PTPRN2: variants seen among roughly 807,000 people sequenced by gnomAD.
PTPRN2 encodes receptor-type tyrosine-protein phosphatase N2.
Under a neutral mutation model 118.8 loss-of-function variants are expected in PTPRN2, and 74 were observed. The ratio of observed to expected loss-of-function variants is 0.62; its 90% confidence interval spans 0.52 to 0.76. PTPRN2 has a LOEUF of 0.76. Ranked by LOEUF, PTPRN2 falls within the 30% of genes least tolerant of loss-of-function variation. The probability of loss-of-function intolerance (pLI) is 0.00; values close to 1 mark genes in which losing one functional copy is unlikely to be tolerated. For synonymous variants in PTPRN2, 641 were observed against 608.0 expected, an observed-to-expected ratio of 1.05 and a Z score of -0.80; for missense variants, 1,481 against 1,394.4, an observed-to-expected ratio of 1.06 and a Z score of -0.99.
At chr7:158,386,755 G>A (rs1201355992) in intron 2 of PTPRN2, among the ~76,000 whole-genome samples, 1 of 152,196 alleles carries the variant, frequency 6.6e-6, no homozygotes, top group East Asian at 1.9e-4. Flanking sequence ...AGAAAGCCCA[G>A]CCCTTCACAG....
At chr7:157,564,020 TG>T (rs1181474357) in intron 21 of PTPRN2, among the ~76,000 whole-genome samples, 17 of 152,354 alleles carry the variant, frequency 1.1e-4, no homozygotes, top group African/African-American at 4.1e-4. Flanking sequence ...TACTTGGGCC[TG>T]CCCTTAAAAG....
At chr7:158,362,104 C>G (rs1273190702) in intron 2 of PTPRN2, among the ~76,000 whole-genome samples, 1 of 152,218 alleles carries the variant, frequency 6.6e-6, no homozygotes, top group African/African-American at 2.4e-5. Context: ...CATTAACAAA[C>G]AGCCCAGCCC....
At chr7:157,919,007 T>C (rs1411904827) in intron 11 of PTPRN2, among the ~76,000 whole-genome samples, 1 of 152,102 alleles carries the variant, frequency 6.6e-6, no homozygotes, top group Non-Finnish European at 1.5e-5. Flanking sequence ...TTCCAGGGGG[T>C]TAAGCAACTT....
At chr7:157,966,069 T>C (rs1457444197) in intron 11 of PTPRN2, among the ~76,000 whole-genome samples, 3 of 151,704 alleles carry the variant, frequency 2.0e-5, no homozygotes, top group Non-Finnish European at 4.4e-5. Flanking sequence ...TTTATCCCTG[T>C]AAAGTCTAAT....
chr7:158,101,034 A>C (rs1815186935), intron 10 of PTPRN2, among the ~76,000 whole-genome samples: 1 of 152,220 alleles, frequency 6.6e-6, no homozygotes, highest in Admixed American at 6.5e-5. Context: ...CCTAAAATTC[A>C]TATGGAACCA....
intron 2 of PTPRN2, among the ~76,000 whole-genome samples, chr7:158,424,478 G>T (rs1815529157): frequency 6.6e-6 from 1 of 152,200 alleles, no homozygotes; most frequent in African/African-American, 2.4e-5. Flanking sequence ...GTGACCACCG[G>T]AGATGAATAT....
At chr7:157,839,543 GTGTC>G (rs1043493611) in intron 12 of PTPRN2, among the ~76,000 whole-genome samples, 10 of 151,990 alleles carry the variant, frequency 6.6e-5, no homozygotes, top group African/African-American at 2.4e-4. Flanking sequence ...ATTACTCTGT[GTGTC>G]TGTGTGTGTG....
chr7:158,090,933 A>G (rs891696093), intron 10 of PTPRN2, among the ~76,000 whole-genome samples: 3 of 152,258 alleles, frequency 2.0e-5, no homozygotes, highest in African/African-American at 7.2e-5. Context: ...ATGACACTTT[A>G]ACCACAGGAA....
intron 1 of PTPRN2, among the ~76,000 whole-genome samples, chr7:158,552,291 G>A (rs1421444757): frequency 3.3e-5 from 5 of 150,814 alleles, no homozygotes; most frequent in South Asian, 2.1e-4. Flanking sequence ...TTGAGCCCCC[G>A]CCACCGCCTC....
chr7:158,278,077 G>C (rs1423962489), intron 3 of PTPRN2, among the ~76,000 whole-genome samples: 1 of 152,192 alleles, frequency 6.6e-6, no homozygotes, highest in African/African-American at 2.4e-5. Flanking sequence ...CGGGGACCAA[G>C]TATGGCTCCT....
intron 3 of PTPRN2, among the ~76,000 whole-genome samples, chr7:158,214,307 G>C (rs890279775): frequency 6.6e-6 from 1 of 151,786 alleles, no homozygotes; most frequent in African/African-American, 2.4e-5. Context: ...AGCAGAGAAG[G>C]ACATGGTGGT....
intron 2 of PTPRN2, among the ~76,000 whole-genome samples, chr7:158,403,734 C>T (rs1019691092): frequency 2.6e-5 from 4 of 152,174 alleles, no homozygotes; most frequent in Admixed American, 6.5e-5. Flanking sequence ...AGGGGTCCTG[C>T]ACCCCCACTC....
Position 158,192,612 on chromosome 7 carries a change from G to A in PTPRN2, c.381-117C>T, listed in dbSNP as rs113692980. On this transcript the variant is annotated intron_variant, in intron 4 of 22. Coordinates refer to ENST00000389418, the MANE Select transcript of PTPRN2 (RefSeq NM_002847.5). ...GCTGGGAGCCGGGCTCTCGGTGGCC[G>A]GCCTGGCCTTGCTGCTCCATGACCA... The A allele has an allele frequency of 1.0e-3, 1,264 of 1,206,110 alleles. 6 individuals are homozygous for A. In the African/African-American group the frequency reaches 0.015, roughly 14 times the overall value. 74.7% of individuals were successfully genotyped at this position (1,206,110 alleles called of 1,614,324 possible). A position where few individuals can be genotyped will look rare whatever the true frequency, so the allele number is the denominator to read the frequency against.
chr7:158,511,775 G>A (rs1823195383), intron 1 of PTPRN2, among the ~76,000 whole-genome samples: 1 of 152,206 alleles, frequency 6.6e-6, no homozygotes. Context: ...ACAGAGGCCG[G>A]AAAGAGCCAG....
rs568654608 is a variant in PTPRN2, at chr7:158,210,659, C to A, written c.278-5386G>T. ...CATTACAACTAATACTGCAGTAATT[C>A]AAAGGATCATTAGAGGCTACTATGA... On this transcript the variant is annotated intron_variant, in intron 3 of 22. Transcript: ENST00000389418. Among the ~76,000 whole-genome samples the A allele has an allele frequency of 2.0e-5, 3 of 152,006 alleles. No homozygotes were observed. In the East Asian group the frequency reaches 5.8e-4, roughly 29 times the overall value.
At chr7:158,046,011 G>A (rs1412747959) in intron 11 of PTPRN2, among the ~76,000 whole-genome samples, 1 of 149,116 alleles carries the variant, frequency 6.7e-6, no homozygotes, top group African/African-American at 2.5e-5. Flanking sequence ...CTGGAGTCCT[G>A]ACACTGCCTT....
intron 2 of PTPRN2, among the ~76,000 whole-genome samples, chr7:158,337,449 C>T (rs1363135861): frequency 1.4e-4 from 21 of 145,162 alleles, no homozygotes; most frequent in African/African-American, 4.4e-4. Flanking sequence ...CACCCACAGA[C>T]GTCACTCAAA....
At chr7:158,039,234 G>T (rs970285508) in intron 11 of PTPRN2, among the ~76,000 whole-genome samples, 1 of 152,192 alleles carries the variant, frequency 6.6e-6, no homozygotes. Context: ...TGAAAGGATA[G>T]CTACAGCATG....
intron 3 of PTPRN2, among the ~76,000 whole-genome samples, chr7:158,270,392 C>T (rs1057437863): frequency 6.6e-6 from 1 of 152,144 alleles, no homozygotes; most frequent in Non-Finnish European, 1.5e-5. Context: ...TCCTTGGCCC[C>T]ACTCCATGTC....
Sources: allele counts gnomAD v4.1 joint callset (sites outside exome capture counted in the v4.1 genomes callset), GRCh38; gene constraint gnomAD v4.1.1; transcripts MANE v1.5; gene names NCBI Gene and HGNC (gene_info 2026-07-23, HGNC 2026-07-21).